The following NISCH variants were observed in gnomAD, a reference collection of about 807,000 sequenced individuals.
The protein encoded by NISCH is I-1 receptor candidate protein.
In NISCH, 55 loss-of-function variants were observed where a neutral mutation model predicts 138.4. The ratio of observed to expected loss-of-function variants is 0.40; its 90% confidence interval spans 0.32 to 0.50. The LOEUF (loss-of-function observed/expected upper bound fraction) is 0.50, where lower values mean the gene tolerates loss of function less well. NISCH is among the 20% of genes least tolerant of loss of function. The probability of loss-of-function intolerance (pLI) is 0.71; values close to 1 mark genes in which losing one functional copy is unlikely to be tolerated. For missense variants in NISCH, 1,643 were observed against 2,005.5 expected, an observed-to-expected ratio of 0.82 and a Z score of 3.45; for synonymous variants, 860 against 861.5, an observed-to-expected ratio of 1.00 and a Z score of 0.03.
rs1265734090 is a variant in NISCH at position 52,485,883 on chromosome 3, C to A, written c.1703+56C>A. 3 of 1,500,982 alleles carry A rather than the reference C, an allele frequency of 2.0e-6. No individual in the cohort carries two copies. In the African/African-American group the frequency reaches 4.2e-5, roughly 21 times the overall value. 93.0% of individuals were successfully genotyped at this position (1,500,982 alleles called of 1,614,324 possible). A position where few individuals can be genotyped will look rare whatever the true frequency, so the allele number is the denominator to read the frequency against. On this transcript the variant is annotated intron_variant, in intron 15 of 20. Transcript: ENST00000345716. ...CTGGCCACACAGCCTTATGCACACACACTGCTGTGGGCCAGGGGTGGCCAG... is the reference window on the plus strand; with the variant it reads ...CTGGCCACACAGCCTTATGCACACAAACTGCTGTGGGCCAGGGGTGGCCAG...
intron 7 of NISCH, among the ~76,000 whole-genome samples, chr3:52,474,097 T>C (rs1707030431): frequency 6.6e-6 from 1 of 152,060 alleles, no homozygotes; most frequent in South Asian, 2.1e-4. Context: ...ATAAAAAATG[T>C]CATTGGTGTT....
chr3:52,469,875 A>G (rs775619142), intron 3 of NISCH, among the ~76,000 whole-genome samples: 13 of 150,766 alleles, frequency 8.6e-5, no homozygotes, highest in Non-Finnish European at 1.6e-4. Context: ...AGATTACACC[A>G]CTGCACTCTA....
intron 18 of NISCH, 113 bp from the exon 19 acceptor site, chr3:52,490,592 C>A: frequency 6.9e-7 from 1 of 1,441,334 alleles, no homozygotes; most frequent in Non-Finnish European, 9.6e-7. Flanking sequence ...GGGCTTTGCA[C>A]GGGTGGAAGC....
intron 13 of NISCH, 51 bp from the exon 14 acceptor site, chr3:52,484,462 T>TCACCCCCCC: frequency 1.3e-6 from 1 of 788,670 alleles, no homozygotes; most frequent in East Asian, 3.5e-5. Context: ...ACAGCCGCTC[T>TCACCCCCCC]CCCCGCCCCA....
At chr3:52,479,970 T>G in intron 12 of NISCH, 108 bp downstream of exon 12, 1 of 1,017,518 alleles carries the variant, frequency 9.8e-7, no homozygotes, top group South Asian at 1.5e-5. Context: ...GAGTCCCAGC[T>G]GCGCCCCTCC....
intron 13 of NISCH, chr3:52,481,331 G>A: frequency 1.0e-6 from 1 of 1,002,186 alleles, no homozygotes; most frequent in Non-Finnish European, 1.2e-6. Flanking sequence ...GCCCAACGCA[G>A]AGCAGCACAC....
At chr3:52,456,424 A>T (rs6778451) in intron 1 of NISCH, among the ~76,000 whole-genome samples, 1,934 of 152,298 alleles carry the variant, frequency 0.013, 53 homozygotes, top group African/African-American at 0.044. Flanking sequence ...CAAGCTGCCC[A>T]CACACACTTC....
intron 18 of NISCH, 121 bp downstream of exon 18, chr3:52,490,352 G>T: frequency 8.9e-7 from 1 of 1,118,208 alleles, no homozygotes. Flanking sequence ...TGGCTGCAGT[G>T]GGCTGAGAGT....
intron 13 of NISCH, among the ~76,000 whole-genome samples, chr3:52,483,764 A>T (rs550943032): frequency 4.1e-4 from 63 of 152,218 alleles, no homozygotes; most frequent in Non-Finnish European, 8.8e-5. Flanking sequence ...GAGATGACAA[A>T]TCAGGGGACG....
chr3:52,458,012 G>A, intron 2 of NISCH, 86 bp downstream of exon 2: 1 of 978,494 alleles, frequency 1.0e-6, no homozygotes, highest in Admixed American at 1.8e-5. Context: ...TAGTTTTAGG[G>A]CAAAACAGGT....
chr3:52,467,571 G>GA (rs1706823281), intron 3 of NISCH, among the ~76,000 whole-genome samples: 1 of 152,224 alleles, frequency 6.6e-6, no homozygotes, highest in Non-Finnish European at 1.5e-5. Flanking sequence ...CTCCCAAGGT[G>GA]AAAAACAGCC....
chr3:52,480,099 G>A lies in NISCH; in HGVS notation c.1417-85G>A, dbSNP rs891251476. ...CTTTACCACCCAGTTGGTGGGAACC[G>A]TTGCGCTCCCTCCTCACACCCCTGG... is the stretch of plus-strand genomic sequence containing the variant. On this transcript the variant is annotated intron_variant, in intron 12 of 20. Coordinates refer to ENST00000345716, the MANE Select transcript of NISCH (RefSeq NM_007184.4). 109 of 1,480,380 alleles carry A rather than the reference G, an allele frequency of 7.4e-5. No individual in the cohort carries two copies. The African/African-American group carries it at 9.3e-4, about 13-fold the overall frequency. 91.7% of individuals were successfully genotyped at this position (1,480,380 alleles called of 1,614,324 possible).
At chr3:52,490,012 C>CATGT in intron 17 of NISCH, 63 bp from the exon 18 acceptor site, 1 of 1,590,962 alleles carries the variant, frequency 6.3e-7, no homozygotes, top group East Asian at 2.2e-5. Context: ...AAGCTGTGGG[C>CATGT]ATGTCCCTGG....
rs972601120 is a variant in NISCH, at chr3:52,474,732, G to A, written c.765+903G>A. 3.9e-5 allele frequency among the ~76,000 whole-genome samples: 6 copies of A among 152,304 alleles called. No individual in the cohort carries two copies. In the South Asian group the frequency reaches 6.2e-4, roughly 16 times the overall value. On this transcript the variant is annotated intron_variant, in intron 7 of 20. Transcript: ENST00000345716. ...CAGGCATGAGCCACTTCAGCCGGCCGTCATTGGTTTTTTAATGAACAAATT... is the reference window on the plus strand; with the variant it reads ...CAGGCATGAGCCACTTCAGCCGGCCATCATTGGTTTTTTAATGAACAAATT...
intron 3 of NISCH, among the ~76,000 whole-genome samples, chr3:52,467,911 C>T (rs1446060934): frequency 6.6e-6 from 1 of 152,208 alleles, no homozygotes; most frequent in Non-Finnish European, 1.5e-5. Context: ...CATGCCTAGC[C>T]CAGGGTGATT....
intron 15 of NISCH, chr3:52,486,696 TTA>T (rs1707410448): frequency 6.4e-6 from 1 of 156,872 alleles, no homozygotes; most frequent in Non-Finnish European, 1.4e-5. Flanking sequence ...CTCTGACCCT[TTA>T]CAGAAGCTTA....
intron 19 of NISCH, among the ~76,000 whole-genome samples, 185 bp from the exon 20 acceptor site, chr3:52,491,167 A>G (rs1707550912): frequency 6.6e-6 from 1 of 152,222 alleles, no homozygotes; most frequent in Non-Finnish European, 1.5e-5. Flanking sequence ...CTTCCAGAAA[A>G]ATGCCTCAGC....
chr3:52,467,440 G>C (rs554850020), intron 3 of NISCH, among the ~76,000 whole-genome samples: 1 of 152,218 alleles, frequency 6.6e-6, no homozygotes, highest in Non-Finnish European at 1.5e-5. Context: ...GGCGTGGGGA[G>C]GCCTGACTCT....
In NISCH at chr3:52,480,619, C is replaced by A; in HGVS notation, c.1528+324C>A. The A allele has an allele frequency of 2.1e-6, 3 of 1,426,868 alleles. No homozygotes were observed. The South Asian group carries it at 4.7e-5, about 22-fold the overall frequency. The allele number at this position is 1,426,868 out of a possible 1,614,324, so 88.4% of individuals were successfully genotyped here. On this transcript the variant is annotated intron_variant, in intron 13 of 20. Transcript: ENST00000345716. The stretch of plus-strand genomic sequence containing the variant: ...GGCTGTTGGCTCATGGGACCCATTC[C>A]CTCACCGGCAGCACAAGCAGGTTGG...
Sources: allele counts gnomAD v4.1 joint callset (sites outside exome capture counted in the v4.1 genomes callset), GRCh38; gene constraint gnomAD v4.1.1; transcripts MANE v1.5; gene names NCBI Gene and HGNC (gene_info 2026-07-23, HGNC 2026-07-21).